Variants in LIN9 observed in about 807,000 individuals in gnomAD.
LIN9 encodes lin-9 DREAM MuvB core complex component.
A neutral mutation model predicts 78.0 loss-of-function variants in LIN9; 18 were observed. The ratio of observed to expected loss-of-function variants is 0.23; its 90% CI spans 0.16 to 0.34. LIN9 has a LOEUF of 0.34. Ranked by LOEUF, LIN9 falls within the 10% of genes least tolerant of loss-of-function variation. The pLI, the probability that LIN9 is intolerant of heterozygous loss-of-function variation, is 1.00. For synonymous variants in LIN9, 192 were observed against 215.2 expected, an observed-to-expected ratio of 0.89 and a Z score of 0.94; for missense variants, 451 against 644.1, an observed-to-expected ratio of 0.70 and a Z score of 3.25.
chr1:226,292,037 T>C (rs1661825890), intron 4 of LIN9, among the ~76,000 whole-genome samples: 1 of 152,186 alleles, frequency 6.6e-6, no homozygotes, highest in South Asian at 2.1e-4. Flanking sequence ...TATTTCTTTC[T>C]ACTACATTAT....
chr1:226,232,827 G>A (rs1190240479), intron 14 of LIN9: 2 of 501,322 alleles, frequency 4.0e-6, no homozygotes, highest in Non-Finnish European at 6.9e-6. Context: ...GAGAAGATGA[G>A]TCTCTCACTG....
chr1:226,261,250 T>C (rs550394329), intron 10 of LIN9, among the ~76,000 whole-genome samples: 3 of 152,244 alleles, frequency 2.0e-5, no homozygotes, highest in Admixed American at 1.3e-4. Context: ...TCCTCTCTTA[T>C]CACTCTTTTC....
At chr1:226,247,596 A>C (rs1658564862) in intron 11 of LIN9, among the ~76,000 whole-genome samples, 1 of 152,048 alleles carries the variant, frequency 6.6e-6, no homozygotes, top group South Asian at 2.1e-4. Context: ...GCAACCCTGA[A>C]CATCAGGTTC....
upstream of LIN9, chr1:226,309,390 G>A: frequency 1.0e-6 from 1 of 990,766 alleles, no homozygotes; most frequent in Non-Finnish European, 1.2e-6. Flanking sequence ...GAGGAAGGGA[G>A]GAAGGAGGCC....
At chr1:226,260,850 T>C (rs553828101) in intron 10 of LIN9, among the ~76,000 whole-genome samples, 2 of 151,992 alleles carry the variant, frequency 1.3e-5, no homozygotes, top group Admixed American at 1.3e-4. Flanking sequence ...TTTCACCATG[T>C]TAGCCAGGAT....
In LIN9 at chr1:226,231,195, TAAG is replaced by T. The variant is rs767156257; in HGVS notation, c.*1303_*1305del. 1 of 152,608 alleles carries T rather than the reference TAAG, an allele frequency of 6.6e-6. No individual in the cohort carries two copies. 9.5% of individuals were successfully genotyped at this position (152,608 alleles called of 1,614,324 possible). On this transcript the variant is annotated 3_prime_UTR_variant, in exon 15 of 15. Transcript: ENST00000681046. ...TCAATTTATTTAGAATTACAAATAT[TAAG>T]AATAGAAGATTTATGCATTTCTTAA... is the stretch of plus-strand genomic sequence containing the variant.
chr1:226,261,090 T>G (rs1159593058), intron 10 of LIN9, among the ~76,000 whole-genome samples: 2 of 151,656 alleles, frequency 1.3e-5, no homozygotes, highest in African/African-American at 4.9e-5. Flanking sequence ...CACTCATTCA[T>G]GATAAAAACT....
intron 12 of LIN9, among the ~76,000 whole-genome samples, chr1:226,237,666 A>G (rs192796115): frequency 1.4e-3 from 202 of 143,896 alleles, no homozygotes; most frequent in African/African-American, 4.9e-3. Flanking sequence ...CTGGTATCAC[A>G]GCTGGGCACA....
chr1:226,283,282 T>TC, intron 6 of LIN9, among the ~76,000 whole-genome samples: 1 of 127,912 alleles, frequency 7.8e-6, no homozygotes, highest in Non-Finnish European at 1.7e-5. Flanking sequence ...TTTTGAATTT[T>TC]TTTTTTTTTT....
chr1:226,258,241 T>C lies in LIN9; in HGVS notation c.1038+7292A>G, dbSNP rs562501469. Among the ~76,000 whole-genome samples the C allele has an allele frequency of 7.2e-5, 11 of 151,738 alleles. No homozygotes were observed. In the South Asian group the frequency reaches 2.3e-3, roughly 32 times the overall value. On this transcript the variant is annotated intron_variant, in intron 10 of 14. Transcript: ENST00000681046. ...CAGGGCTAGTCTCAGTGGCTGACAC[T>C]TGTAATTCCAGCACTTTGGGAGGCT...
chr1:226,278,683 G>C (rs1443657670), intron 6 of LIN9, among the ~76,000 whole-genome samples: 1 of 151,252 alleles, frequency 6.6e-6, no homozygotes, highest in Non-Finnish European at 1.5e-5. Context: ...AATTAGACAG[G>C]CGTGGTGGCA....
chr1:226,300,349 G>A (rs991846839), intron 2 of LIN9, among the ~76,000 whole-genome samples: 3 of 151,902 alleles, frequency 2.0e-5, no homozygotes, highest in Non-Finnish European at 2.9e-5. Flanking sequence ...CCAGGAGTTC[G>A]AGACCAGCCT....
chr1:226,267,263 G>A (rs1199307611), intron 8 of LIN9, among the ~76,000 whole-genome samples: 2 of 139,494 alleles, frequency 1.4e-5, no homozygotes, highest in South Asian at 2.3e-4. Context: ...ATTTCTTTTA[G>A]GAAATATATT....
At chr1:226,301,609 C>T (rs985657829) in intron 1 of LIN9, among the ~76,000 whole-genome samples, 7 of 152,128 alleles carry the variant, frequency 4.6e-5, no homozygotes, top group Non-Finnish European at 1.0e-4. Context: ...AAAAAACAGG[C>T]AATGGAAATG....
intron 1 of LIN9, among the ~76,000 whole-genome samples, chr1:226,302,984 T>C (rs1218397805): frequency 6.6e-6 from 1 of 151,230 alleles, no homozygotes; most frequent in Non-Finnish European, 1.5e-5. Context: ...CTCTACTCTC[T>C]TGCCCAGATG....
chr1:226,235,390 A>T (rs1558150750), intron 12 of LIN9, among the ~76,000 whole-genome samples: 1 of 151,710 alleles, frequency 6.6e-6, no homozygotes, highest in Admixed American at 6.6e-5. Flanking sequence ...AAATTCTACT[A>T]ACTAGAGTTC....
intron 6 of LIN9, among the ~76,000 whole-genome samples, chr1:226,282,104 GCTTTC>G (rs1661103361): frequency 6.6e-6 from 1 of 152,048 alleles, no homozygotes; most frequent in Admixed American, 6.6e-5. Flanking sequence ...TGTGTATTTT[GCTTTC>G]TTTTCTTGAC....
At chr1:226,297,272 G>C (rs1004284976) in intron 3 of LIN9, among the ~76,000 whole-genome samples, 7 of 152,176 alleles carry the variant, frequency 4.6e-5, no homozygotes, top group Non-Finnish European at 8.8e-5. Flanking sequence ...GAGAGAAAGA[G>C]AGTTCCTAAA....
chr1:226,272,051 C>CTT (rs1215375984), intron 7 of LIN9, among the ~76,000 whole-genome samples: 21 of 128,092 alleles, frequency 1.6e-4, no homozygotes, highest in Non-Finnish European at 2.8e-4. Context: ...ATTATCTTAA[C>CTT]TTTTTTTTTT....
Sources: allele counts gnomAD v4.1 joint callset (sites outside exome capture counted in the v4.1 genomes callset), GRCh38; gene constraint gnomAD v4.1.1; transcripts MANE v1.5; gene names NCBI Gene and HGNC (gene_info 2026-07-23, HGNC 2026-07-21).